ENPP3: variants seen among roughly 807,000 people sequenced by gnomAD.
ENPP3 encodes the protein ectonucleotide pyrophosphatase/phosphodiesterase 3.
ENPP3 carries 104 observed loss-of-function variants against 117.8 expected under a neutral mutation model. That is an observed-to-expected ratio of 0.88 (90% CI 0.75 to 1.04). ENPP3 has a LOEUF of 1.04. Among genes scored for constraint, ENPP3 ranks in the 50% least tolerant of loss-of-function variants. The pLI, the probability that ENPP3 is intolerant of heterozygous loss-of-function variation, is 0.00. For synonymous variants in ENPP3, 380 were observed against 349.9 expected (o/e 1.09, Z -0.96); for missense variants, 1,026 against 1,051.9 (o/e 0.98, Z 0.34).
chr6:131,653,891 A>AT (rs1241337408), intron 5 of ENPP3, among the ~76,000 whole-genome samples: 8 of 151,892 alleles, frequency 5.3e-5, no homozygotes, highest in Non-Finnish European at 1.2e-4. Flanking sequence ...CCTCCCATGC[A>AT]TCTTTTCCAC....
At chr6:131,668,618 T>G (rs1217981907) in intron 6 of ENPP3, among the ~76,000 whole-genome samples, 1 of 152,234 alleles carries the variant, frequency 6.6e-6, no homozygotes. Context: ...CCTAGTTGCA[T>G]AGGCTTATCT....
At chr6:131,709,556 G>A in intron 15 of ENPP3, 1 of 1,613,774 alleles carries the variant, frequency 6.2e-7, no homozygotes, top group Non-Finnish European at 8.5e-7. Context: ...GTTAATTTTT[G>A]TTTGTTGTGA....
intron 2 of ENPP3, among the ~76,000 whole-genome samples, chr6:131,643,923 CTGTGTGTGTGTGTGTGTGTCTGTG>C (rs1778104192): frequency 1.4e-5 from 2 of 142,228 alleles, no homozygotes; most frequent in Admixed American, 1.4e-4. Context: ...TCAGGGTCGT[CTGTGTGTGTGTGTGTGTGTCTGTG>C]TGTGTGTGTG....
chr6:131,649,370 A>G (rs1005530000), intron 2 of ENPP3, among the ~76,000 whole-genome samples: 22 of 152,068 alleles, frequency 1.4e-4, no homozygotes, highest in African/African-American at 5.1e-4. Flanking sequence ...GTCCACCTCT[A>G]CCTTTGAACT....
At chr6:131,720,235 A>G in intron 16 of ENPP3, 57 bp from the exon 17 acceptor site, 1 of 1,112,010 alleles carries the variant, frequency 9.0e-7, no homozygotes, top group South Asian at 1.5e-5. Flanking sequence ...CTCTTCCTAT[A>G]TTTGTTTTTG....
At chr6:131,685,572 A>G in intron 13 of ENPP3, 77 bp downstream of exon 13, 1 of 1,465,636 alleles carries the variant, frequency 6.8e-7, no homozygotes, top group Non-Finnish European at 9.4e-7. Flanking sequence ...TTCTGAGAGG[A>G]AGTTGGGGTT....
intron 2 of ENPP3, among the ~76,000 whole-genome samples, chr6:131,641,799 G>T (rs1370609335): frequency 3.1e-5 from 2 of 64,062 alleles, no homozygotes; most frequent in Non-Finnish European, 5.1e-5. Flanking sequence ...CTCCACCCTG[G>T]TTTTTTTTTT....
At position 131,683,090 on chromosome 6, in the gene ENPP3, G is replaced by A. The variant is rs529608701; in HGVS notation, c.1048G>A (p.Gly350Arg). 3 of 1,611,906 alleles carry A rather than the reference G, an allele frequency of 1.9e-6. No individual in the cohort carries two copies. In the Admixed American group the frequency reaches 5.0e-5, roughly 27 times the overall value. ...KALQVVDHAF[G>R]MLMEGLKQRN... ...CTTACAGGTAGTAGATCATGCTTTT[G>A]GGATGTTGATGGAAGGCCTGAAGCA... The change falls in exon 12 of 25, where the codon GGG (glycine) becomes AGG (arginine). Residue 350 changes from glycine to arginine, a missense_variant. Transcript: ENST00000357639.
At chr6:131,722,561 C>T (rs567987339) in intron 18 of ENPP3, among the ~76,000 whole-genome samples, 156 bp downstream of exon 18, 14 of 152,204 alleles carry the variant, frequency 9.2e-5, no homozygotes, top group African/African-American at 3.1e-4. Flanking sequence ...TACCTGGAAA[C>T]GAGAAGTGAG....
chr6:131,701,380 T>G, intron 15 of ENPP3: 1 of 1,614,020 alleles, frequency 6.2e-7, no homozygotes, highest in Non-Finnish European at 8.5e-7. Flanking sequence ...AACTCTCTGA[T>G]GGATGTTATA....
chr6:131,697,047 G>A (rs1779423721), intron 15 of ENPP3, among the ~76,000 whole-genome samples: 1 of 152,262 alleles, frequency 6.6e-6, no homozygotes, highest in African/African-American at 2.4e-5. Flanking sequence ...GATTACAGGC[G>A]TGAGCCACCG....
chr6:131,674,763 G>A (rs1178463528), intron 8 of ENPP3, among the ~76,000 whole-genome samples: 1 of 151,496 alleles, frequency 6.6e-6, no homozygotes, highest in Non-Finnish European at 1.5e-5. Flanking sequence ...GTAGAGATGG[G>A]GTTTCACCAT....
rs1201001054 is a variant in ENPP3 at position 131,678,992 on chromosome 6, TC to T, written c.1011+1054del. ...TTCCTTCCTTCCTTCCTTCCTTCCT[TC>T]CTTCCTTGCTTCCTTCCTTCCTTCC... On this transcript the variant is annotated intron_variant, in intron 11 of 24. Transcript: ENST00000357639. Among the ~76,000 whole-genome samples, 15 of 116,810 alleles carry T rather than the reference TC, an allele frequency of 1.3e-4. 1 individual carries two copies. The highest frequency in any genetic ancestry group is 7.0e-4 in the African/African-American group (15 of 21,430). 76.6% of individuals were successfully genotyped at this position (116,810 alleles called of 152,430 possible).
intron 2 of ENPP3, among the ~76,000 whole-genome samples, chr6:131,647,571 G>C (rs1258012594): frequency 2.6e-5 from 4 of 151,950 alleles, no homozygotes; most frequent in African/African-American, 9.7e-5. Flanking sequence ...AAATGTCTAT[G>C]TATTCATCAT....
rs747107638 is a variant in ENPP3 at position 131,671,328 on chromosome 6, G to T, written c.642+1G>T. On this transcript the variant is annotated splice_donor_variant, in intron 7 of 24. Transcript: ENST00000357639. LOFTEE classifies it high-confidence loss of function. ...CCCAAATCATTACACCATTGTCACG[G>T]TAAGTGCTTGACCCAGTGGTAAGAC... 1 of 1,576,558 alleles carries T rather than the reference G, an allele frequency of 6.3e-7. No homozygotes were observed. The highest frequency in any genetic ancestry group is 1.7e-5 in the Admixed American group (1 of 59,862).
chr6:131,723,235 A>T (rs1408660825), intron 18 of ENPP3, among the ~76,000 whole-genome samples: 4 of 152,194 alleles, frequency 2.6e-5, no homozygotes, highest in Non-Finnish European at 4.4e-5. Flanking sequence ...AGGTGAAGAC[A>T]TCACAATCTC....
rs58038761 is a variant in ENPP3 at position 131,666,154 on chromosome 6, T to C, written c.563-5094T>C. 8.3e-3 allele frequency among the ~76,000 whole-genome samples: 1,259 copies of C among 152,258 alleles called. 13 individuals are homozygous for C. The highest frequency in any genetic ancestry group is 0.029 in the African/African-American group (1,206 of 41,564). ...TCTATCCTGGAGAATGTTCCATGCA[T>C]ACTTGAGAAAAACATGTTGTGTTGG... On this transcript the variant is annotated intron_variant, in intron 6 of 24. Transcript: ENST00000357639.
At chr6:131,701,905 A>AG (rs1779544604) in intron 15 of ENPP3, among the ~76,000 whole-genome samples, 2 of 102,150 alleles carry the variant, frequency 2.0e-5, no homozygotes, top group African/African-American at 3.5e-5. Context: ...AAAAGAAAAG[A>AG]AAAAAAAAAC....
At position 131,746,810 on chromosome 6, in the gene ENPP3, G is replaced by A; in HGVS notation, c.2482G>A (p.Val828Ile). 2 of 1,609,034 alleles carry A rather than the reference G, an allele frequency of 1.2e-6. No individual in the cohort carries two copies. The highest frequency in any genetic ancestry group is 1.7e-6 in the Non-Finnish European group (2 of 1,178,422). Residue 828 changes from valine to isoleucine, a missense_variant, in exon 25 of 25, where the codon GTT becomes ATT. Coordinates refer to ENST00000357639, the MANE Select transcript of ENPP3 (RefSeq NM_005021.5). ...GGAAGGTAAACCAGAAGCTCTTTGG[G>A]TTGAAGAAAGATTTACAGCTCACAT... ...CPEGKPEALW[V>I]EERFTAHIAR...
Sources: allele counts gnomAD v4.1 joint callset (sites outside exome capture counted in the v4.1 genomes callset), GRCh38; gene constraint gnomAD v4.1.1; transcripts MANE v1.5; gene names NCBI Gene and HGNC (gene_info 2026-07-23, HGNC 2026-07-21).